Variants in PAX5 observed in about 807,000 individuals in gnomAD.
PAX5 encodes the protein paired box 5, also known as paired box protein Pax-5.
In PAX5, 9 loss-of-function variants were observed where a neutral mutation model predicts 43.7. That is an observed-to-expected ratio of 0.21 (90% CI 0.12 to 0.36). The LOEUF is 0.36. PAX5 is among the 10% of genes least tolerant of loss of function. PAX5 has a pLI of 1.00. For synonymous variants in PAX5, 228 were observed against 214.3 expected, an observed-to-expected ratio of 1.06 and a Z score of -0.56; for missense variants, 383 against 532.7, an observed-to-expected ratio of 0.72 and a Z score of 2.77.
chr9:36,948,627 T>A (rs1288420645), intron 6 of PAX5, among the ~76,000 whole-genome samples: 2 of 152,204 alleles, frequency 1.3e-5, no homozygotes, highest in Non-Finnish European at 2.9e-5. Flanking sequence ...TGGGCTCATT[T>A]GCCTGTGTAA....
Position 36,833,775 on chromosome 9 carries a change from A to ATTT in PAX5, c.*6782_*6784dup, listed in dbSNP as rs529936287. 34 of 205,952 alleles carry ATTT rather than the reference A, an allele frequency of 1.7e-4. No individual in the cohort carries two copies. Among genetic ancestry groups the ATTT allele is most frequent in the Middle Eastern group, 1.5e-3 (1 of 646 alleles). The allele number at this position is 205,952 out of a possible 1,614,324, so 12.8% of individuals were successfully genotyped here. On this transcript the variant is annotated 3_prime_UTR_variant, in exon 10 of 10. Transcript: ENST00000358127. ...AAAACATACACATTTTTTAAGAAGC[A>ATTT]TTTTTTTTTTTCAATCCGTTGGAGA...
intron 5 of PAX5, among the ~76,000 whole-genome samples, chr9:37,000,258 C>T (rs780533829): frequency 5.3e-4 from 81 of 152,318 alleles, no homozygotes; most frequent in Admixed American, 1.4e-3. Flanking sequence ...TGGGATCAAA[C>T]GTGCATACTC....
Position 36,839,952 on chromosome 9 carries a change from T to C in PAX5, c.*608A>G, listed in dbSNP as rs756819961. ...AGCCCAGTGAGACTCCTCGTAAAGA[T>C]ACTAAAGAAGGAGGGATGAGCAGGA... On this transcript the variant is annotated 3_prime_UTR_variant, in exon 10 of 10. Coordinates refer to ENST00000358127, the MANE Select transcript of PAX5 (RefSeq NM_016734.3). 3.4e-5 allele frequency: 8 copies of C among 237,650 alleles called. No homozygotes were observed. The highest frequency in any genetic ancestry group is 5.0e-5 in the Non-Finnish European group (6 of 120,626). 14.7% of individuals were successfully genotyped at this position (237,650 alleles called of 1,614,324 possible). A position where few individuals can be genotyped will look rare whatever the true frequency, so the allele number is the denominator to read the frequency against.
At chr9:36,966,123 C>T (rs547209619) in intron 6 of PAX5, among the ~76,000 whole-genome samples, 32 of 152,356 alleles carry the variant, frequency 2.1e-4, no homozygotes, top group South Asian at 4.1e-4. Context: ...GATACCCACC[C>T]GCTCCGTCAT....
intron 3 of PAX5, among the ~76,000 whole-genome samples, chr9:37,011,133 A>AC (rs1838893643): frequency 6.6e-6 from 1 of 151,502 alleles, no homozygotes; most frequent in East Asian, 1.9e-4. Context: ...AAAAACAAAA[A>AC]AAAAAAAAAA....
intron 1 of PAX5, among the ~76,000 whole-genome samples, chr9:37,026,280 G>A (rs1208931006): frequency 6.6e-6 from 1 of 152,250 alleles, no homozygotes; most frequent in Non-Finnish European, 1.5e-5. Flanking sequence ...AAATGTCGCC[G>A]CCGGAGCCTT....
chr9:36,872,873 G>C (rs989343643), intron 8 of PAX5, among the ~76,000 whole-genome samples: 1 of 152,194 alleles, frequency 6.6e-6, no homozygotes, highest in African/African-American at 2.4e-5. Context: ...CATGCCCAGA[G>C]GTTTCCAGGG....
intron 6 of PAX5, among the ~76,000 whole-genome samples, chr9:36,930,625 G>T (rs2132009681): frequency 6.6e-6 from 1 of 152,288 alleles, no homozygotes; most frequent in Middle Eastern, 3.4e-3. Context: ...TCCCAGCTCT[G>T]CCCCTTTCTC....
Position 36,838,323 on chromosome 9 carries a change from CT to C in PAX5, c.*2236del, listed in dbSNP as rs2131558579. 1 of 232,470 alleles carries C rather than the reference CT, an allele frequency of 4.3e-6. No individual in the cohort carries two copies. Among genetic ancestry groups the C allele is most frequent in the South Asian group, 1.8e-4 (1 of 5,514 alleles). The allele number at this position is 232,470 out of a possible 1,614,324, so 14.4% of individuals were successfully genotyped here. On this transcript the variant is annotated 3_prime_UTR_variant, in exon 10 of 10. Transcript: ENST00000358127. ...CCAGAACCATCTCTCACTGCTCTTA[CT>C]GTCAACTCTCCTCAGGAATAGGAGA...
At chr9:36,908,821 A>G (rs1452093712) in intron 7 of PAX5, among the ~76,000 whole-genome samples, 1 of 152,250 alleles carries the variant, frequency 6.6e-6, no homozygotes, top group Non-Finnish European at 1.5e-5. Context: ...CATTAGCAGA[A>G]GGGCTGTCCA....
intron 6 of PAX5, among the ~76,000 whole-genome samples, chr9:36,943,494 A>C (rs1011930088): frequency 2.0e-5 from 3 of 148,002 alleles, no homozygotes; most frequent in African/African-American, 7.4e-5. Flanking sequence ...AGCTCTCCTA[A>C]AGATATTGCT....
At chr9:36,958,146 G>A (rs1184863422) in intron 6 of PAX5, among the ~76,000 whole-genome samples, 1 of 152,186 alleles carries the variant, frequency 6.6e-6, no homozygotes, top group Non-Finnish European at 1.5e-5. Context: ...GAAATGCACT[G>A]ATTAGCATGT....
intron 8 of PAX5, among the ~76,000 whole-genome samples, chr9:36,856,839 A>C (rs1164436190): frequency 6.6e-6 from 1 of 152,226 alleles, no homozygotes; most frequent in Non-Finnish European, 1.5e-5. Flanking sequence ...GCCGGATTAC[A>C]AAGATAGGAA....
At position 37,034,088 on chromosome 9, in the gene PAX5, C is replaced by CTTTTTTTTTTT; in HGVS notation, c.-58_-57insAAAAAAAAAAA. 14 of 447,882 alleles carry CTTTTTTTTTTT rather than the reference C, an allele frequency of 3.1e-5. No individual in the cohort carries two copies. The highest frequency in any genetic ancestry group is 3.1e-4 in the South Asian group (9 of 29,074). 27.7% of individuals were successfully genotyped at this position (447,882 alleles called of 1,614,324 possible). On this transcript the variant is annotated 5_prime_UTR_variant, in exon 1 of 10. Coordinates refer to ENST00000358127, the MANE Select transcript of PAX5 (RefSeq NM_016734.3). ...GGGAAAAGTTTCCACTTTTTTGTGC[C>CTTTTTTTTTTT]TTTTTTTTTCTTTTTTTTTTTTTTT...
rs905741090 is a variant in PAX5 at position 36,921,794 on chromosome 9, G to T, written c.910+1561C>A. Among the ~76,000 whole-genome samples the T allele has an allele frequency of 2.0e-5, 3 of 152,184 alleles. No individual in the cohort carries two copies. In the East Asian group the frequency reaches 5.8e-4, roughly 29 times the overall value. ...CCAGGATCTAGGAGCCAGAGGGCCAGCTCTAACTCCCCCTTACCCCTTATG... is the reference window on the plus strand; with the variant it reads ...CCAGGATCTAGGAGCCAGAGGGCCATCTCTAACTCCCCCTTACCCCTTATG... On this transcript the variant is annotated intron_variant, in intron 7 of 9. Transcript: ENST00000358127.
At chr9:36,852,099 T>G in intron 8 of PAX5, among the ~76,000 whole-genome samples, 1 of 152,136 alleles carries the variant, frequency 6.6e-6, no homozygotes, top group East Asian at 1.9e-4. Flanking sequence ...ATGGAGAAGA[T>G]CAAATGACTT....
intron 6 of PAX5, among the ~76,000 whole-genome samples, chr9:36,952,213 T>A (rs1032611689): frequency 4.6e-5 from 7 of 150,840 alleles, no homozygotes; most frequent in African/African-American, 1.7e-4. Flanking sequence ...TCTGTTTTTT[T>A]AATATGCTCT....
intron 1 of PAX5, among the ~76,000 whole-genome samples, chr9:37,029,901 A>T (rs1588281708): frequency 6.6e-6 from 1 of 152,318 alleles, no homozygotes; most frequent in East Asian, 1.9e-4. Flanking sequence ...TCTGGGGTAG[A>T]AGAAAGGCTG....
At chr9:37,003,506 A>G (rs1838121434) in intron 4 of PAX5, among the ~76,000 whole-genome samples, 1 of 152,226 alleles carries the variant, frequency 6.6e-6, no homozygotes, top group Non-Finnish European at 1.5e-5. Flanking sequence ...GGTAAAACTC[A>G]GAGAAGATAA....
Sources: allele counts gnomAD v4.1 joint callset (sites outside exome capture counted in the v4.1 genomes callset), GRCh38; gene constraint gnomAD v4.1.1; transcripts MANE v1.5; gene names NCBI Gene and HGNC (gene_info 2026-07-23, HGNC 2026-07-21).